DLG2: variants seen among roughly 807,000 people sequenced by gnomAD.
DLG2 encodes discs large MAGUK scaffold protein 2.
DLG2 carries 45 observed loss-of-function variants against 132.5 expected under a neutral mutation model. That is an observed-to-expected ratio of 0.34 (90% CI 0.27 to 0.44). DLG2 has a LOEUF of 0.44. Among genes scored for constraint, DLG2 ranks in the 20% least tolerant of loss-of-function variants. The probability of loss-of-function intolerance (pLI) is 1.00; values close to 1 mark genes in which losing one functional copy is unlikely to be tolerated. For synonymous variants in DLG2, 424 were observed against 419.6 expected, an observed-to-expected ratio of 1.01 and a Z score of -0.13; for missense variants, 1,045 against 1,196.9, an observed-to-expected ratio of 0.87 and a Z score of 1.87.
intron 8 of DLG2, among the ~76,000 whole-genome samples, chr11:84,239,963 C>T (rs1014735881): frequency 3.3e-5 from 5 of 152,180 alleles, no homozygotes; most frequent in African/African-American, 7.2e-5. Context: ...CCCATAATAA[C>T]GGGATCCCTC....
At chr11:84,525,933 T>A (rs2099318966) in intron 7 of DLG2, among the ~76,000 whole-genome samples, 1 of 152,164 alleles carries the variant, frequency 6.6e-6, no homozygotes, top group Admixed American at 6.5e-5. Context: ...TATTTCATAC[T>A]TCCTTCAAGT....
chr11:84,502,186 T>TTCTCTCTCTCTCTC lies in DLG2; in HGVS notation c.519+32370_519+32383dup, dbSNP rs1555630792. On this transcript the variant is annotated intron_variant, in intron 7 of 27. Coordinates refer to ENST00000376104, the MANE Select transcript of DLG2 (RefSeq NM_001142699.3). ...TCTCTCTCTCTCTCTTTCTCTCTCT[T>TTCTCTCTCTCTCTC]TCTCTCTCTCTCTCTCCTTCCTTCC... 2.7e-3 allele frequency among the ~76,000 whole-genome samples: 35 copies of TTCTCTCTCTCTCTC among 12,880 alleles called. 7 individuals are homozygous for TTCTCTCTCTCTCTC. The highest frequency in any genetic ancestry group is 4.8e-3 in the Non-Finnish European group (24 of 5,016). The allele number at this position is 12,880 out of a possible 152,430, so 8.4% of individuals were successfully genotyped here.
chr11:85,558,155 G>T (rs2077036595), intron 3 of DLG2, among the ~76,000 whole-genome samples: 1 of 151,676 alleles, frequency 6.6e-6, no homozygotes, highest in African/African-American at 2.4e-5. Context: ...ACATGAACAG[G>T]CACTTCTCAA....
chr11:85,538,787 C>A (rs1565655505), intron 3 of DLG2, among the ~76,000 whole-genome samples: 1 of 151,700 alleles, frequency 6.6e-6, no homozygotes, highest in South Asian at 2.1e-4. Flanking sequence ...GGGAGCTGAA[C>A]AGTGAGAACA....
At chr11:84,222,586 C>T (rs147245902) in intron 8 of DLG2, among the ~76,000 whole-genome samples, 209 of 152,232 alleles carry the variant, frequency 1.4e-3, no homozygotes, top group African/African-American at 4.9e-3. Context: ...ATATTTTGCA[C>T]ATGTATCACC....
At chr11:83,946,875 G>A (rs1190770045) in intron 14 of DLG2, among the ~76,000 whole-genome samples, 1 of 152,220 alleles carries the variant, frequency 6.6e-6, no homozygotes, top group Admixed American at 6.5e-5. Flanking sequence ...CATTCTCACT[G>A]TGAGTGCCAC....
chr11:83,462,766 G>T (rs2090273832), intron 26 of DLG2, among the ~76,000 whole-genome samples: 1 of 152,078 alleles, frequency 6.6e-6, no homozygotes, highest in African/African-American at 2.4e-5. Flanking sequence ...TTGTATACAG[G>T]TATTAAAATA....
intron 7 of DLG2, among the ~76,000 whole-genome samples, chr11:84,413,915 A>G (rs887598937): frequency 6.6e-6 from 1 of 152,114 alleles, no homozygotes; most frequent in African/African-American, 2.4e-5. Context: ...GGAACCTTCA[A>G]TTTCATTCAA....
At chr11:85,037,158 A>G (rs1485352194) in intron 6 of DLG2, among the ~76,000 whole-genome samples, 1 of 152,204 alleles carries the variant, frequency 6.6e-6, no homozygotes, top group East Asian at 1.9e-4. Context: ...CTATGCATCC[A>G]CATGTTTTCA....
chr11:83,967,348 A>C (rs1300662206), intron 12 of DLG2, among the ~76,000 whole-genome samples: 8 of 152,094 alleles, frequency 5.3e-5, no homozygotes, highest in Admixed American at 4.6e-4. Flanking sequence ...CTGCATCCCA[A>C]TCAATAGTGT....
At chr11:84,506,202 A>C (rs1005395297) in intron 7 of DLG2, among the ~76,000 whole-genome samples, 11 of 150,544 alleles carry the variant, frequency 7.3e-5, no homozygotes, top group African/African-American at 2.5e-4. Flanking sequence ...CAGCCTCCCA[A>C]GTAGCTGGGA....
intron 7 of DLG2, among the ~76,000 whole-genome samples, chr11:84,282,608 G>C (rs1266650431): frequency 1.3e-5 from 2 of 152,094 alleles, no homozygotes; most frequent in East Asian, 3.9e-4. Context: ...ATCATTTAAT[G>C]CTGTAATCTT....
intron 6 of DLG2, among the ~76,000 whole-genome samples, chr11:84,824,496 GTGT>G (rs2078088341): frequency 6.6e-6 from 1 of 151,912 alleles, no homozygotes; most frequent in South Asian, 2.1e-4. Context: ...GATGTTGGAG[GTGT>G]TGTATGCTCT....
At chr11:84,728,737 T>C (rs909902403) in intron 6 of DLG2, among the ~76,000 whole-genome samples, 1 of 152,038 alleles carries the variant, frequency 6.6e-6, no homozygotes, top group African/African-American at 2.4e-5. Context: ...TTTTTGGTTG[T>C]TAGGCTATTA....
At chr11:85,481,301 T>A (rs1351634760) in intron 3 of DLG2, among the ~76,000 whole-genome samples, 1 of 152,184 alleles carries the variant, frequency 6.6e-6, no homozygotes, top group Non-Finnish European at 1.5e-5. Flanking sequence ...GATGGCAGAA[T>A]AGGGCTCTCT....
At chr11:85,237,353 C>G (rs777872569) in intron 4 of DLG2, among the ~76,000 whole-genome samples, 1 of 151,910 alleles carries the variant, frequency 6.6e-6, no homozygotes, top group Non-Finnish European at 1.5e-5. Flanking sequence ...TACAAAAACC[C>G]TTAAAGAGCC....
chr11:84,064,324 G>A (rs1356653827), intron 10 of DLG2, among the ~76,000 whole-genome samples: 3 of 152,146 alleles, frequency 2.0e-5, no homozygotes, highest in Admixed American at 6.6e-5. Context: ...TGGAGATTAT[G>A]AGCGCTTTAA....
In DLG2 at chr11:83,971,673, T is replaced by C. The variant is rs1175619145; in HGVS notation, c.1057-6205A>G. ...TACAAGGAAATGTGGAACTCTAGAATCATTGGTAAGAAAACTCTAAAGTTA... is the reference window on the plus strand; with the variant it reads ...TACAAGGAAATGTGGAACTCTAGAACCATTGGTAAGAAAACTCTAAAGTTA... On this transcript the variant is annotated intron_variant, in intron 12 of 27. Coordinates refer to ENST00000376104, the MANE Select transcript of DLG2 (RefSeq NM_001142699.3). Among the ~76,000 whole-genome samples the C allele has an allele frequency of 2.6e-5, 4 of 152,068 alleles. No homozygotes were observed. In the South Asian group the frequency reaches 8.3e-4, roughly 32 times the overall value.
At chr11:85,155,852 CTG>C (rs1313617741) in intron 4 of DLG2, among the ~76,000 whole-genome samples, 2 of 144,930 alleles carry the variant, frequency 1.4e-5, no homozygotes, top group Admixed American at 1.4e-4. Context: ...GAGCAAGACT[CTG>C]TATCAAAAAA....
Sources: gnomAD v4.1 joint callset for allele counts (sites outside exome capture counted in the v4.1 genomes callset) on GRCh38, gnomAD v4.1.1 for gene constraint, MANE v1.5 for transcripts, NCBI Gene and HGNC (gene_info 2026-07-23, HGNC 2026-07-21) for gene names.